The following SYN3 variants were observed in gnomAD, a reference collection of about 807,000 sequenced individuals.
SYN3 encodes the protein synapsin III.
Under a neutral mutation model 65.8 loss-of-function variants are expected in SYN3, and 35 were observed. The ratio of observed to expected loss-of-function variants is 0.53; its 90% CI spans 0.41 to 0.70. The LOEUF (loss-of-function observed/expected upper bound fraction) is 0.70. Ranked by LOEUF, SYN3 falls within the 30% of genes least tolerant of loss-of-function variation. SYN3 has a pLI of 0.00. For synonymous variants in SYN3, 270 were observed against 292.9 expected (o/e 0.92, Z 0.80); for missense variants, 680 against 749.0 (o/e 0.91, Z 1.08).
intron 6 of SYN3, among the ~76,000 whole-genome samples, chr22:32,628,560 A>G (rs1017978260): frequency 6.6e-6 from 1 of 152,166 alleles, no homozygotes; most frequent in Non-Finnish European, 1.5e-5. Flanking sequence ...AATTCCTCTG[A>G]CAATAAAATG....
chr22:32,527,565 A>G (rs1176031569), intron 12 of SYN3: 1 of 199,160 alleles, frequency 5.0e-6, no homozygotes, highest in South Asian at 7.8e-5. Context: ...GCACCACTGC[A>G]CTCCAGCCTG....
chr22:32,999,213 T>C (rs2052986216), intron 2 of SYN3, among the ~76,000 whole-genome samples: 1 of 151,784 alleles, frequency 6.6e-6, no homozygotes, highest in African/African-American at 2.4e-5. Flanking sequence ...CACTGCAGGG[T>C]GGGGTGTGTC....
intron 6 of SYN3, among the ~76,000 whole-genome samples, chr22:32,722,675 T>C (rs1035234323): frequency 6.6e-6 from 1 of 152,046 alleles, no homozygotes; most frequent in Non-Finnish European, 1.5e-5. Flanking sequence ...GGGGAGGAAG[T>C]GTTGGCTCTC....
At chr22:32,583,173 A>G (rs1343483647) in intron 7 of SYN3, 1 of 152,302 alleles carries the variant, frequency 6.6e-6, no homozygotes, top group Non-Finnish European at 1.5e-5. Context: ...CCCCCAACAC[A>G]TGGACAGACA....
intron 6 of SYN3, among the ~76,000 whole-genome samples, chr22:32,840,572 C>G (rs868106595): frequency 6.6e-6 from 1 of 151,828 alleles, no homozygotes; most frequent in Non-Finnish European, 1.5e-5. Flanking sequence ...GGCGGGAGAT[C>G]GGCTCTGGCT....
chr22:32,820,263 C>T (rs895894490), intron 6 of SYN3, among the ~76,000 whole-genome samples: 10 of 122,032 alleles, frequency 8.2e-5, no homozygotes, highest in Non-Finnish European at 1.5e-4. Context: ...TGTGTGTGTG[C>T]GTGCGCGTGT....
chr22:32,743,528 C>T (rs1029249576), intron 6 of SYN3, among the ~76,000 whole-genome samples: 3 of 152,148 alleles, frequency 2.0e-5, no homozygotes, highest in Non-Finnish European at 4.4e-5. Context: ...AGACAACCGT[C>T]CATGCTGCCT....
At chr22:32,766,904 C>T (rs1171989220) in intron 6 of SYN3, among the ~76,000 whole-genome samples, 4 of 152,212 alleles carry the variant, frequency 2.6e-5, no homozygotes, top group East Asian at 1.9e-4. Flanking sequence ...TACGCTGATA[C>T]TAAAATACAG....
At chr22:32,945,033 A>C in intron 3 of SYN3, among the ~76,000 whole-genome samples, 1 of 152,306 alleles carries the variant, frequency 6.6e-6, no homozygotes, top group South Asian at 2.1e-4. Context: ...TGCTCAACGA[A>C]ATAAAGGAGG....
intron 6 of SYN3, among the ~76,000 whole-genome samples, chr22:32,703,679 C>T (rs2060841010): frequency 6.6e-6 from 1 of 150,854 alleles, no homozygotes; most frequent in Non-Finnish European, 1.5e-5. Context: ...TGCCTATGTT[C>T]TAAGTCTCAT....
chr22:32,798,725 T>C (rs1162686045), intron 6 of SYN3, among the ~76,000 whole-genome samples: 1 of 121,772 alleles, frequency 8.2e-6, no homozygotes, highest in Non-Finnish European at 1.6e-5. Flanking sequence ...GGAGTCTCAC[T>C]CCATCACCTA....
At chr22:32,883,073 C>A (rs1450249533) in intron 4 of SYN3, among the ~76,000 whole-genome samples, 2 of 152,144 alleles carry the variant, frequency 1.3e-5, no homozygotes, top group Non-Finnish European at 2.9e-5. Context: ...CAGGGTCTGG[C>A]CAATTGCAAG....
rs1030825465 is a variant in SYN3 at position 32,725,073 on chromosome 22, C to T, written c.712-128337G>A. Reference sequence around the variant, plus strand: ...TGGAGGTTCCAGTGAGCCGAGATCGCGCCATTGCACTCCAGCCTGGGTGAC... The same window carrying T: ...TGGAGGTTCCAGTGAGCCGAGATCGTGCCATTGCACTCCAGCCTGGGTGAC... On this transcript the variant is annotated intron_variant, in intron 6 of 13. Transcript: ENST00000358763. Among the ~76,000 whole-genome samples, 6 of 152,116 alleles carry T rather than the reference C, an allele frequency of 3.9e-5. 1 individual carries two copies. In the South Asian group the frequency reaches 1.0e-3, roughly 26 times the overall value.
intron 9 of SYN3, among the ~76,000 whole-genome samples, chr22:32,537,456 G>C (rs1410135319): frequency 6.6e-6 from 1 of 152,198 alleles, no homozygotes; most frequent in Non-Finnish European, 1.5e-5. Flanking sequence ...ACCGCACCCG[G>C]CCGGCACTTC....
intron 6 of SYN3, among the ~76,000 whole-genome samples, chr22:32,819,013 G>A (rs907448830): frequency 1.3e-5 from 2 of 152,234 alleles, no homozygotes; most frequent in Admixed American, 1.3e-4. Context: ...ATAACCTCGA[G>A]GCTGGCCTCT....
chr22:32,966,973 C>T (rs894927344), intron 3 of SYN3, among the ~76,000 whole-genome samples: 1 of 152,164 alleles, frequency 6.6e-6, no homozygotes, highest in Non-Finnish European at 1.5e-5. Context: ...GTTAAACTGA[C>T]TCTGAATTCC....
intron 3 of SYN3, among the ~76,000 whole-genome samples, chr22:32,941,668 GC>G (rs1428440770): frequency 6.6e-6 from 1 of 152,194 alleles, no homozygotes; most frequent in Non-Finnish European, 1.5e-5. Flanking sequence ...CACCCGGGAA[GC>G]GCAAGGGGTA....
chr22:32,770,693 C>T (rs1822370036), intron 6 of SYN3, among the ~76,000 whole-genome samples: 1 of 152,088 alleles, frequency 6.6e-6, no homozygotes, highest in Admixed American at 6.5e-5. Flanking sequence ...TCCATATTCC[C>T]CAATTAATAG....
At chr22:32,630,034 A>G (rs1289493719) in intron 6 of SYN3, among the ~76,000 whole-genome samples, 2 of 150,584 alleles carry the variant, frequency 1.3e-5, no homozygotes, top group South Asian at 4.2e-4. Flanking sequence ...GCCAGGCTAG[A>G]GTACGGTGGC....
Sources: gnomAD v4.1 joint callset for allele counts (sites outside exome capture counted in the v4.1 genomes callset) on GRCh38, gnomAD v4.1.1 for gene constraint, MANE v1.5 for transcripts, NCBI Gene and HGNC (gene_info 2026-07-23, HGNC 2026-07-21) for gene names.